Variants in AGBL1 observed in about 807,000 individuals in gnomAD.
AGBL1 encodes AGBL carboxypeptidase 1.
In AGBL1, 130 loss-of-function variants were observed where a neutral mutation model predicts 118.9. That is an observed-to-expected ratio of 1.09 (90% confidence interval 0.95 to 1.26). AGBL1 has a LOEUF of 1.26. AGBL1 is among the 50% of genes most tolerant of loss of function. The pLI is 0.00. For synonymous variants in AGBL1, 555 were observed against 478.9 expected (o/e 1.16, Z -2.08); for missense variants, 1,584 against 1,298.1 (o/e 1.22, Z -3.38).
chr15:86,433,419 T>C (rs2081964054), intron 18 of AGBL1, among the ~76,000 whole-genome samples: 1 of 152,014 alleles, frequency 6.6e-6, no homozygotes, highest in South Asian at 2.1e-4. Context: ...CTGTTCAGGC[T>C]GTTCCCTGGA....
At chr15:86,189,247 T>A (rs780578619) in intron 5 of AGBL1, among the ~76,000 whole-genome samples, 3 of 152,180 alleles carry the variant, frequency 2.0e-5, no homozygotes, top group Non-Finnish European at 4.4e-5. Flanking sequence ...CTGGAGAACT[T>A]ATGCACACAT....
chr15:86,870,415 CT>C (rs2079704206), intron 22 of AGBL1, among the ~76,000 whole-genome samples: 1 of 120,828 alleles, frequency 8.3e-6, no homozygotes, highest in African/African-American at 3.3e-5. Flanking sequence ...AATCCATAGC[CT>C]GCATCCAACT....
rs75459145 is a variant in AGBL1 at position 86,760,719 on chromosome 15, C to G, written c.3158+86283C>G. On this transcript the variant is annotated intron_variant, in intron 22 of 22. Transcript: ENST00000614907. ...TCCTTTGGCAGTGTGAAAGACAGCT[C>G]TTTCTTTTCTTCATTATCATAACTT... 4.1e-3 allele frequency among the ~76,000 whole-genome samples: 626 copies of G among 152,184 alleles called. 1 individual carries two copies. Among genetic ancestry groups the G allele is most frequent in the African/African-American group, 0.014 (601 of 41,556 alleles).
chr15:86,820,900 A>G (rs1455154746), intron 22 of AGBL1, among the ~76,000 whole-genome samples: 1 of 152,204 alleles, frequency 6.6e-6, no homozygotes, highest in Non-Finnish European at 1.5e-5. Context: ...TTGCAGCACT[A>G]TTCACAATAG....
chr15:86,780,004 AT>A, intron 22 of AGBL1, among the ~76,000 whole-genome samples: 2 of 151,892 alleles, frequency 1.3e-5, no homozygotes, highest in South Asian at 4.2e-4. Context: ...ACTATAACTT[AT>A]TTTTCTTTTA....
intron 22 of AGBL1, among the ~76,000 whole-genome samples, chr15:86,809,474 A>G (rs2078760550): frequency 6.6e-6 from 1 of 152,098 alleles, no homozygotes; most frequent in African/African-American, 2.4e-5. Flanking sequence ...TGTGTCTGGT[A>G]TTTGTCCCAT....
chr15:86,938,848 T>G (rs1284097750), intron 23 of AGBL1: 1 of 151,946 alleles, frequency 6.6e-6, no homozygotes, highest in African/African-American at 2.4e-5. Context: ...ACCGCCTGGG[T>G]TTTCTTTTTA....
At chr15:86,373,953 T>C (rs1191719676) in intron 17 of AGBL1, among the ~76,000 whole-genome samples, 7 of 152,134 alleles carry the variant, frequency 4.6e-5, no homozygotes, top group Non-Finnish European at 8.8e-5. Flanking sequence ...AACTGATAAT[T>C]CACTACCCCC....
chr15:86,681,306 C>G (rs1312354687), intron 22 of AGBL1, among the ~76,000 whole-genome samples: 3 of 152,144 alleles, frequency 2.0e-5, no homozygotes, highest in Non-Finnish European at 4.4e-5. Flanking sequence ...GGTTTCATTG[C>G]ACCTATTCCT....
At chr15:86,369,768 A>C (rs2080944649) in intron 17 of AGBL1, among the ~76,000 whole-genome samples, 1 of 152,176 alleles carries the variant, frequency 6.6e-6, no homozygotes, top group Non-Finnish European at 1.5e-5. Flanking sequence ...AAATTATGGA[A>C]AATCTAATGA....
chr15:86,139,318 T>C (rs886119479), intron 1 of AGBL1, among the ~76,000 whole-genome samples: 2 of 152,050 alleles, frequency 1.3e-5, no homozygotes, highest in African/African-American at 4.8e-5. Context: ...ACCTCTGTTA[T>C]ACAGATAGAG....
intron 17 of AGBL1, among the ~76,000 whole-genome samples, chr15:86,383,281 A>T (rs900260720): frequency 3.7e-5 from 5 of 133,518 alleles, no homozygotes; most frequent in Admixed American, 2.4e-4. Flanking sequence ...AAAAATCCTA[A>T]TTGCTTATCT....
intron 22 of AGBL1, among the ~76,000 whole-genome samples, chr15:86,823,083 C>T (rs1413144780): frequency 6.6e-6 from 1 of 152,088 alleles, no homozygotes; most frequent in Non-Finnish European, 1.5e-5. Context: ...ATGATAGGCT[C>T]AGGTCAACTG....
At chr15:86,408,761 A>T (rs1344821510) in intron 18 of AGBL1, among the ~76,000 whole-genome samples, 1 of 152,110 alleles carries the variant, frequency 6.6e-6, no homozygotes, top group Non-Finnish European at 1.5e-5. Flanking sequence ...CTAAGGGGAG[A>T]TGGGCAAAAG....
chr15:86,698,308 C>T (rs2086297439), intron 22 of AGBL1, among the ~76,000 whole-genome samples: 1 of 152,008 alleles, frequency 6.6e-6, no homozygotes, highest in Non-Finnish European at 1.5e-5. Context: ...GCACATTCCA[C>T]ATGTTAGTTT....
At chr15:86,837,441 T>C (rs964610777) in intron 22 of AGBL1, among the ~76,000 whole-genome samples, 2 of 152,202 alleles carry the variant, frequency 1.3e-5, no homozygotes, top group African/African-American at 2.4e-5. Flanking sequence ...TTTTTATAAA[T>C]ACATTTTAAT....
chr15:86,656,720 C>T (rs569229563), intron 21 of AGBL1, among the ~76,000 whole-genome samples: 1 of 152,228 alleles, frequency 6.6e-6, no homozygotes, highest in East Asian at 1.9e-4. Flanking sequence ...TTGTGACCTT[C>T]TTCCTTTACA....
At chr15:86,128,145 C>T (rs1170861463) in intron 1 of AGBL1, among the ~76,000 whole-genome samples, 2 of 152,094 alleles carry the variant, frequency 1.3e-5, no homozygotes, top group Admixed American at 6.6e-5. Context: ...ATACTTGAGA[C>T]TGGGTAATTT....
intron 22 of AGBL1, among the ~76,000 whole-genome samples, chr15:86,733,205 G>A (rs2077549807): frequency 6.6e-6 from 1 of 152,036 alleles, no homozygotes; most frequent in East Asian, 1.9e-4. Context: ...AGTGCAGTCT[G>A]TGTCCAAAAG....
Sources: allele counts gnomAD v4.1 joint callset (sites outside exome capture counted in the v4.1 genomes callset), GRCh38; gene constraint gnomAD v4.1.1; transcripts MANE v1.5; gene names NCBI Gene and HGNC (gene_info 2026-07-23, HGNC 2026-07-21).